The following CSMD1 variants were observed in gnomAD, a reference collection of about 807,000 sequenced individuals.
CSMD1 encodes CUB and Sushi multiple domains 1.
CSMD1 carries 213 observed loss-of-function variants against 417.5 expected under a neutral mutation model. That is an observed-to-expected ratio of 0.51 (90% confidence interval 0.46 to 0.57). The LOEUF (loss-of-function observed/expected upper bound fraction) is 0.57, where lower values mean the gene tolerates loss of function less well. Among genes scored for constraint, CSMD1 ranks in the 20% least tolerant of loss-of-function variants. CSMD1 has a pLI of 0.00. For missense variants in CSMD1, 6,923 were observed against 4,529.7 expected (o/e 1.53, Z -15.17); for synonymous variants, 2,862 against 1,736.8 (o/e 1.65, Z -16.11).
chr8:3,754,089 G>T, intron 5 of CSMD1, 47 bp from the exon 6 acceptor site: 1 of 1,284,930 alleles, frequency 7.8e-7, no homozygotes, highest in Non-Finnish European at 1.1e-6. Flanking sequence ...AACCAACAGA[G>T]CAAATGTCCT....
chr8:4,407,529 G>C (rs1272856027), intron 3 of CSMD1, among the ~76,000 whole-genome samples: 4 of 152,106 alleles, frequency 2.6e-5, no homozygotes, highest in East Asian at 1.9e-4. Context: ...TTTAAATTCA[G>C]AGTACAGATA....
At chr8:4,424,657 T>G (rs1305615924) in intron 2 of CSMD1, among the ~76,000 whole-genome samples, 2 of 152,104 alleles carry the variant, frequency 1.3e-5, no homozygotes, top group Non-Finnish European at 1.5e-5. Context: ...CCGAAGAAGT[T>G]TGACATTTCC....
At chr8:4,036,086 C>G (rs965858372) in intron 3 of CSMD1, among the ~76,000 whole-genome samples, 2 of 152,174 alleles carry the variant, frequency 1.3e-5, no homozygotes, top group African/African-American at 4.8e-5. Context: ...CAGCCACATG[C>G]TGTACAGGTT....
intron 12 of CSMD1, among the ~76,000 whole-genome samples, chr8:3,425,628 A>T (rs1317289505): frequency 2.0e-5 from 3 of 150,636 alleles, no homozygotes; most frequent in South Asian, 4.2e-4. Flanking sequence ...AGGAAAAAAA[A>T]GGAAATGCCC....
At chr8:4,203,133 C>T (rs1002867999) in intron 3 of CSMD1, among the ~76,000 whole-genome samples, 1 of 152,142 alleles carries the variant, frequency 6.6e-6, no homozygotes, top group East Asian at 1.9e-4. Context: ...TTCTTAAAAG[C>T]TGAAAACCTT....
rs10106457 is a variant in CSMD1 at position 3,505,993 on chromosome 8, G to C, written c.1345-12267C>G. Among the ~76,000 whole-genome samples, 6 of 152,000 alleles carry C rather than the reference G, an allele frequency of 3.9e-5. No homozygotes were observed. The South Asian group carries it at 1.0e-3, about 26-fold the overall frequency. On this transcript the variant is annotated intron_variant, in intron 10 of 69. Transcript: ENST00000635120. ...GAGGGTTGAGTGGATAAAAATACAC[G>C]TATGTATATTTATTCTTACATATTA...
intron 41 of CSMD1, among the ~76,000 whole-genome samples, chr8:3,131,647 T>G (rs940265609): frequency 8.5e-5 from 13 of 152,192 alleles, no homozygotes; most frequent in Middle Eastern, 3.4e-3. Flanking sequence ...ACTTTTTGTA[T>G]TTTAAGTAGA....
chr8:3,561,853 C>T (rs149628809), intron 10 of CSMD1, among the ~76,000 whole-genome samples: 19 of 152,252 alleles, frequency 1.2e-4, no homozygotes, highest in African/African-American at 4.6e-4. Context: ...AAATGTATGG[C>T]CCTCCAGGAA....
At chr8:4,663,968 G>A (rs1804764144) in intron 1 of CSMD1, among the ~76,000 whole-genome samples, 2 of 152,162 alleles carry the variant, frequency 1.3e-5, no homozygotes, top group African/African-American at 4.8e-5. Context: ...AGATAAGACT[G>A]AGGAAGTGGC....
intron 3 of CSMD1, among the ~76,000 whole-genome samples, chr8:4,183,637 C>G (rs1032872998): frequency 2.6e-5 from 4 of 152,216 alleles, no homozygotes; most frequent in South Asian, 2.1e-4. Context: ...TTGATAAGCA[C>G]AATTTTAAGT....
chr8:4,723,114 T>C (rs564772717), intron 1 of CSMD1, among the ~76,000 whole-genome samples: 11 of 152,300 alleles, frequency 7.2e-5, no homozygotes, highest in Non-Finnish European at 1.5e-4. Context: ...ATCTGACTTG[T>C]ACACCTAACA....
intron 37 of CSMD1, among the ~76,000 whole-genome samples, chr8:3,171,612 CT>C (rs1459773208): frequency 6.6e-6 from 1 of 152,078 alleles, no homozygotes; most frequent in Admixed American, 6.6e-5. Flanking sequence ...ACAGAGAATT[CT>C]TTCAAGTTTT....
At chr8:3,432,164 A>G (rs2117024312) in intron 12 of CSMD1, among the ~76,000 whole-genome samples, 1 of 152,294 alleles carries the variant, frequency 6.6e-6, no homozygotes, top group South Asian at 2.1e-4. Flanking sequence ...TAATACCTGA[A>G]CTTCTTAATC....
At position 4,635,914 on chromosome 8, in the gene CSMD1, C is replaced by G. The variant is rs547883389; in HGVS notation, c.302+1428G>C. Among the ~76,000 whole-genome samples the G allele has an allele frequency of 7.9e-5, 12 of 151,544 alleles. 2 individuals carry two copies. Among genetic ancestry groups the G allele is most frequent in the African/African-American group, 2.9e-4 (12 of 41,282 alleles). ...CTATGTATGAAAGGTAAACATGCTA[C>G]TAAAAACAGATAATAGATATTGTAG... is the stretch of plus-strand genomic sequence containing the variant. On this transcript the variant is annotated intron_variant, in intron 2 of 69. Coordinates refer to ENST00000635120, the MANE Select transcript of CSMD1 (RefSeq NM_033225.6).
At chr8:3,593,648 A>G (rs1800960107) in intron 8 of CSMD1, among the ~76,000 whole-genome samples, 1 of 152,260 alleles carries the variant, frequency 6.6e-6, no homozygotes. Flanking sequence ...TGACTCAGAC[A>G]AAATGAGGAT....
intron 30 of CSMD1, among the ~76,000 whole-genome samples, chr8:3,206,478 G>T (rs529744703): frequency 0.41 from 22,380 of 54,114 alleles, 3,777 homozygotes; most frequent in Non-Finnish European, 0.48. Context: ...TTATGTCTGT[G>T]CGTGTATGTG....
At chr8:4,587,422 T>A (rs974792953) in intron 2 of CSMD1, among the ~76,000 whole-genome samples, 1 of 137,074 alleles carries the variant, frequency 7.3e-6, no homozygotes, top group East Asian at 2.1e-4. Flanking sequence ...TATATGTACA[T>A]GTATATGTGG....
At chr8:4,177,478 G>C (rs1477502784) in intron 3 of CSMD1, among the ~76,000 whole-genome samples, 1 of 151,980 alleles carries the variant, frequency 6.6e-6, no homozygotes, top group African/African-American at 2.4e-5. Context: ...AGAGAAAGTA[G>C]GAAAGATCCA....
At chr8:3,298,226 G>T (rs760190786) in intron 25 of CSMD1, among the ~76,000 whole-genome samples, 9 of 152,084 alleles carry the variant, frequency 5.9e-5, no homozygotes, top group Admixed American at 5.9e-4. Context: ...GCAATTCCTG[G>T]CCTCAGTGTA....
Sources: gnomAD v4.1 joint callset for allele counts (sites outside exome capture counted in the v4.1 genomes callset) on GRCh38, gnomAD v4.1.1 for gene constraint, MANE v1.5 for transcripts, NCBI Gene and HGNC (gene_info 2026-07-23, HGNC 2026-07-21) for gene names.